The following SLCO3A1 variants were observed in gnomAD, a reference collection of about 807,000 sequenced individuals.
SLCO3A1 encodes solute carrier organic anion transporter family member 3A1, also known as PGE1 transporter.
SLCO3A1 carries 27 observed loss-of-function variants against 63.1 expected under a neutral mutation model. That is an observed-to-expected ratio of 0.43 (90% CI 0.32 to 0.59). The LOEUF (loss-of-function observed/expected upper bound fraction) is 0.59, where lower values mean the gene tolerates loss of function less well. Among genes scored for constraint, SLCO3A1 ranks in the 20% least tolerant of loss-of-function variants. The pLI, the probability that SLCO3A1 is intolerant of heterozygous loss-of-function variation, is 0.09. For missense variants in SLCO3A1, 773 were observed against 945.8 expected (o/e 0.82, Z 2.40); for synonymous variants, 473 against 409.9 (o/e 1.15, Z -1.86).
chr15:92,070,821 T>C (rs1242213165), intron 2 of SLCO3A1, among the ~76,000 whole-genome samples: 3 of 152,192 alleles, frequency 2.0e-5, no homozygotes, highest in African/African-American at 7.2e-5. Flanking sequence ...CTCTCTACTT[T>C]TAAATTTGAA....
Position 91,883,193 on chromosome 15 carries a change from T to C in SLCO3A1, c.180+29105T>C, listed in dbSNP as rs183994148. On this transcript the variant is annotated intron_variant, in intron 1 of 9. Transcript: ENST00000318445. The surrounding 1 kb of genome is among the most constrained non-coding windows in gnomAD (Gnocchi z 4.8). ...CAAAGTATCCCTCCTTCCCCTTTTT[T>C]AACAGCGGGCAGTAAGTGGTCTGGG... 1.6e-3 allele frequency among the ~76,000 whole-genome samples: 241 copies of C among 152,324 alleles called. 1 individual carries two copies. Among genetic ancestry groups the C allele is most frequent in the African/African-American group, 5.5e-3 (227 of 41,578 alleles).
rs543871381 is a variant in SLCO3A1, at chr15:91,988,192, C to T, written c.646+71734C>T. ...CCAAGGCGGCTGGATCGCTTGAGCT[C>T]AGGAGTTTAAGACCAGCCTGGGCAA... On this transcript the variant is annotated intron_variant, in intron 2 of 9. Transcript: ENST00000318445. Among the ~76,000 whole-genome samples the T allele has an allele frequency of 3.9e-5, 6 of 152,114 alleles. No individual in the cohort carries two copies. The East Asian group carries it at 5.8e-4, about 15-fold the overall frequency.
intron 2 of SLCO3A1, among the ~76,000 whole-genome samples, chr15:91,972,372 C>T (rs1295099781): frequency 3.3e-5 from 5 of 151,982 alleles, no homozygotes; most frequent in Non-Finnish European, 7.4e-5. Context: ...ATGGAGGAGC[C>T]CCCATGATGG....
At chr15:91,888,788 G>A (rs1007426725) in intron 1 of SLCO3A1, among the ~76,000 whole-genome samples, 1 of 151,994 alleles carries the variant, frequency 6.6e-6, no homozygotes, top group Non-Finnish European at 1.5e-5. Context: ...TTAGATACCA[G>A]CTTGGGCAAC....
chr15:91,861,204 G>A (rs904645655), intron 1 of SLCO3A1, among the ~76,000 whole-genome samples: 12 of 152,232 alleles, frequency 7.9e-5, no homozygotes, highest in African/African-American at 2.9e-4. Context: ...TGACTTTGCC[G>A]AGGGAGGAAT....
At chr15:91,965,438 T>C (rs1218534957) in intron 2 of SLCO3A1, among the ~76,000 whole-genome samples, 2 of 152,198 alleles carry the variant, frequency 1.3e-5, no homozygotes. Context: ...ATATCCTCCA[T>C]TGTGAGGAAC....
At chr15:91,951,260 A>G (rs1315682581) in intron 2 of SLCO3A1, among the ~76,000 whole-genome samples, 4 of 151,888 alleles carry the variant, frequency 2.6e-5, no homozygotes, top group African/African-American at 9.7e-5. Flanking sequence ...CTGCTTATCC[A>G]CTTCCTGTCT....
chr15:91,920,561 ATGGC>A (rs1326039483), intron 2 of SLCO3A1, among the ~76,000 whole-genome samples: 1 of 152,196 alleles, frequency 6.6e-6, no homozygotes, highest in Non-Finnish European at 1.5e-5. Flanking sequence ...TTGAGCTGAG[ATGGC>A]TGCAAATCAG....
At chr15:91,891,877 C>T (rs1897879473) in intron 1 of SLCO3A1, among the ~76,000 whole-genome samples, 1 of 152,224 alleles carries the variant, frequency 6.6e-6, no homozygotes, top group African/African-American at 2.4e-5. Context: ...TCTCTCACAA[C>T]TCAACTCTGC....
rs2047518921 is a variant in SLCO3A1 at position 92,094,871 on chromosome 15, C to T, written c.647-10C>T. 6.3e-7 allele frequency: 1 copy of T among 1,595,438 alleles called. No individual in the cohort carries two copies. The highest frequency in any genetic ancestry group is 1.1e-5 in the South Asian group (1 of 90,212). On this transcript the variant is annotated splice_polypyrimidine_tract_variant and intron_variant, in intron 2 of 9. Transcript: ENST00000318445. ...TTTTGTAATCTATTTTTTTCTTCAT[C>T]TTCCTTCAGGAATCCTGTTCACGAT...
chr15:91,956,060 G>A (rs934498471), intron 2 of SLCO3A1, among the ~76,000 whole-genome samples: 2 of 152,158 alleles, frequency 1.3e-5, no homozygotes, highest in Non-Finnish European at 2.9e-5. Flanking sequence ...AGATGAGGAG[G>A]GAGTGATTCT....
exon 11 of SLCO3A1, chr15:92,172,187 A>C: frequency 4.4e-6 from 1 of 228,184 alleles, no homozygotes; most frequent in Non-Finnish European, 8.5e-6. Context: ...TGCTTTAGAA[A>C]CTCCCCTCTT....
At chr15:91,876,340 AG>A (rs1451016701) in intron 1 of SLCO3A1, among the ~76,000 whole-genome samples, 16 of 152,292 alleles carry the variant, frequency 1.1e-4, no homozygotes, top group African/African-American at 3.6e-4. Context: ...CTGGTAACCA[AG>A]TTACAGCCTA....
Position 92,010,744 on chromosome 15 carries a change from C to T in SLCO3A1, c.647-84137C>T, listed in dbSNP as rs75418590. Among the ~76,000 whole-genome samples, 214 of 152,226 alleles carry T rather than the reference C, an allele frequency of 1.4e-3. 1 individual carries two copies. Among genetic ancestry groups the T allele is most frequent in the African/African-American group, 4.8e-3 (200 of 41,542 alleles). ...TCTTTCTGCATGATGACCCCTCTGC[C>T]GCATGAAGCCCCAAGCCCAGTAATA... On this transcript the variant is annotated intron_variant, in intron 2 of 9. Transcript: ENST00000318445.
rs1898948881 is a variant in SLCO3A1, at chr15:91,924,517, CAAAT to C, written c.646+8067_646+8070del. On this transcript the variant is annotated intron_variant, in intron 2 of 9. Transcript: ENST00000318445. ...CAAATTGCATTCATCTTTTGAGTTG[CAAAT>C]AAATAAAACACGAAAAAAGAAAAGA... is the stretch of plus-strand genomic sequence containing the variant. Among the ~76,000 whole-genome samples the C allele has an allele frequency of 2.6e-5, 4 of 152,066 alleles. No homozygotes were observed. The South Asian group carries it at 6.2e-4, about 24-fold the overall frequency.
chr15:92,162,544 A>T (rs1199049505), intron 9 of SLCO3A1: 5 of 675,540 alleles, frequency 7.4e-6, no homozygotes, highest in African/African-American at 1.8e-5. Context: ...AAACTAAGGC[A>T]GGAGGGCTTA....
intron 6 of SLCO3A1, among the ~76,000 whole-genome samples, chr15:92,127,992 G>A (rs550386861): frequency 2.6e-5 from 4 of 152,250 alleles, no homozygotes; most frequent in Admixed American, 1.3e-4. Context: ...GGGTGGCCCT[G>A]AGCAGTCCCA....
intron 7 of SLCO3A1, among the ~76,000 whole-genome samples, chr15:92,145,384 G>A (rs80262440): frequency 4.6e-5 from 7 of 151,800 alleles, no homozygotes; most frequent in Non-Finnish European, 2.9e-5. Context: ...AAGTGAGGAA[G>A]GTTCGTTCTC....
chr15:91,956,162 T>C (rs1900169654), intron 2 of SLCO3A1, among the ~76,000 whole-genome samples: 1 of 152,166 alleles, frequency 6.6e-6, no homozygotes, highest in South Asian at 2.1e-4. Context: ...GTCTGGCTAT[T>C]GTAATTCCCT....
Sources: allele counts gnomAD v4.1 joint callset (sites outside exome capture counted in the v4.1 genomes callset), GRCh38; gene constraint gnomAD v4.1.1; non-coding constraint Gnocchi (gnomAD v3.1); transcripts MANE v1.5; gene names NCBI Gene and HGNC (gene_info 2026-07-23, HGNC 2026-07-21).